Variants in KCNK3 observed in about 807,000 individuals in gnomAD.
KCNK3 encodes the protein potassium two pore domain channel subfamily K member 3.
In KCNK3, 9 loss-of-function variants were observed where a neutral mutation model predicts 27.3. The ratio of observed to expected loss-of-function variants is 0.33; its 90% confidence interval spans 0.20 to 0.57. The LOEUF is 0.57. KCNK3 is among the 20% of genes least tolerant of loss of function. The pLI, the probability that KCNK3 is intolerant of heterozygous loss-of-function variation, is 0.87. For missense variants in KCNK3, 391 were observed against 577.7 expected (o/e 0.68, Z 3.31); for synonymous variants, 278 against 273.8 (o/e 1.02, Z -0.15).
Position 26,728,533 on chromosome 2 carries a change from T to C in KCNK3, c.1150T>C (p.Phe384Leu), listed in dbSNP as rs1166060929. 6.8e-7 allele frequency: 1 copy of C among 1,470,034 alleles called. No homozygotes were observed. The highest frequency in any genetic ancestry group is 9.0e-7 in the Non-Finnish European group (1 of 1,109,862). The allele number at this position is 1,470,034 out of a possible 1,614,324, so 91.1% of individuals were successfully genotyped here. A position where few individuals can be genotyped will look rare whatever the true frequency, so the allele number is the denominator to read the frequency against. Residue 384 changes from phenylalanine to leucine, a missense_variant, in exon 2 of 2, where the codon TTC becomes CTC. Transcript: ENST00000302909. ...VSTGLHSLST[F>L]RGLMKRRSSV ...CACGGGTCTGCACAGCCTGTCCACC[T>C]TCCGCGGCCTCATGAAGCGCAGGAG...
intron 1 of KCNK3, among the ~76,000 whole-genome samples, chr2:26,694,947 T>C (rs1670216848): frequency 6.6e-6 from 1 of 152,064 alleles, no homozygotes; most frequent in Non-Finnish European, 1.5e-5. Flanking sequence ...CAAGGCATGC[T>C]CCCCTGGACA....
At chr2:26,702,606 G>A (rs1670321698) in intron 1 of KCNK3, among the ~76,000 whole-genome samples, 1 of 152,204 alleles carries the variant, frequency 6.6e-6, no homozygotes, top group Non-Finnish European at 1.5e-5. Flanking sequence ...AAGATGAATT[G>A]CACTGCCTCA....
At chr2:26,704,693 G>C (rs1265963524) in intron 1 of KCNK3, among the ~76,000 whole-genome samples, 1 of 152,244 alleles carries the variant, frequency 6.6e-6, no homozygotes, top group Non-Finnish European at 1.5e-5. Context: ...TGCCCGTGCA[G>C]AGGAGATTCC....
At position 26,693,188 on chromosome 2, in the gene KCNK3, C is replaced by A. The variant is rs974700567; in HGVS notation, c.283+30C>A. 7.3e-6 allele frequency: 11 copies of A among 1,501,948 alleles called. No homozygotes were observed. The highest frequency in any genetic ancestry group is 9.8e-6 in the Non-Finnish European group (11 of 1,123,188). The allele number at this position is 1,501,948 out of a possible 1,614,324, so 93.0% of individuals were successfully genotyped here. A position where few individuals can be genotyped will look rare whatever the true frequency, so the allele number is the denominator to read the frequency against. On this transcript the variant is annotated intron_variant, in intron 1 of 1. Coordinates refer to ENST00000302909, the MANE Select transcript of KCNK3 (RefSeq NM_002246.3). This position sits in a 1 kb window ranked among gnomAD's most constrained non-coding sequence, Gnocchi z 5.5. ...CGGCTCGCCGGGCGGGGGGCGGGAACCCAGGGCTGGGCGCGGGGCTCCGGG... is the reference window on the plus strand; with the variant it reads ...CGGCTCGCCGGGCGGGGGGCGGGAAACCAGGGCTGGGCGCGGGGCTCCGGG...
At position 26,728,514 on chromosome 2, in the gene KCNK3, T is replaced by C. The variant is rs763581939; in HGVS notation, c.1131T>C (p.Gly377=). ...PRSAISSVST[G]LHSLSTFRGL... ...CCGCCATCAGCTCGGTGTCCACGGG[T>C]CTGCACAGCCTGTCCACCTTCCGCG... The change falls in exon 2 of 2, where the codon GGT becomes GGC. Residue 377 remains glycine, a synonymous_variant. Coordinates refer to ENST00000302909, the MANE Select transcript of KCNK3 (RefSeq NM_002246.3). 4.0e-6 allele frequency: 6 copies of C among 1,508,986 alleles called. No homozygotes were observed. In the African/African-American group the frequency reaches 4.2e-5, roughly 11 times the overall value. 93.5% of individuals were successfully genotyped at this position (1,508,986 alleles called of 1,614,324 possible).
Position 26,718,828 on chromosome 2 carries a change from G to A in KCNK3, c.284-8839G>A, listed in dbSNP as rs112540447. On this transcript the variant is annotated intron_variant, in intron 1 of 1. Coordinates refer to ENST00000302909, the MANE Select transcript of KCNK3 (RefSeq NM_002246.3). Reference sequence around the variant, plus strand: ...TCACTGTGTTGCCCAGGTTCGTCTCGGATTCCTGGGCTCAAGCGATCCTCC... The same window carrying A: ...TCACTGTGTTGCCCAGGTTCGTCTCAGATTCCTGGGCTCAAGCGATCCTCC... Among the ~76,000 whole-genome samples the A allele has an allele frequency of 7.8e-3, 1,188 of 152,104 alleles. 16 individuals carry two copies. The highest frequency in any genetic ancestry group is 0.027 in the African/African-American group (1,124 of 41,490).
chr2:26,701,071 A>G lies in KCNK3; in HGVS notation c.283+7913A>G, dbSNP rs534938033. Reference sequence around the variant, plus strand: ...ATTCTGCATTTCCAAAAAGCCCCCAAGGGACACTGATGCTGTGGATCAGAT... The same window carrying G: ...ATTCTGCATTTCCAAAAAGCCCCCAGGGGACACTGATGCTGTGGATCAGAT... On this transcript the variant is annotated intron_variant, in intron 1 of 1. Transcript: ENST00000302909. Among the ~76,000 whole-genome samples, 111 of 152,340 alleles carry G rather than the reference A, an allele frequency of 7.3e-4. No homozygotes were observed. In the South Asian group the frequency reaches 0.023, roughly 31 times the overall value.
At chr2:26,702,878 G>A (rs1168143071) in intron 1 of KCNK3, among the ~76,000 whole-genome samples, 2 of 152,064 alleles carry the variant, frequency 1.3e-5, no homozygotes, top group Admixed American at 6.5e-5. Context: ...CATTTTGGGA[G>A]TCAAAGGCGG....
intron 1 of KCNK3, among the ~76,000 whole-genome samples, chr2:26,714,913 A>ATAAATAAG (rs1227988312): frequency 2.6e-5 from 4 of 151,958 alleles, no homozygotes; most frequent in Non-Finnish European, 5.9e-5. Context: ...AAATAAATAA[A>ATAAATAAG]TAAGGAGGGA....
At chr2:26,725,258 G>A (rs544487569) in intron 1 of KCNK3, among the ~76,000 whole-genome samples, 3 of 152,240 alleles carry the variant, frequency 2.0e-5, no homozygotes, top group South Asian at 2.1e-4. Flanking sequence ...CTTCCATCTC[G>A]CAAGCTACAG....
chr2:26,730,149 G>T lies in KCNK3; in HGVS notation c.*1581G>T, dbSNP rs1663510020. The T allele has an allele frequency of 6.6e-6, 1 of 152,456 alleles. No homozygotes were observed. The highest frequency in any genetic ancestry group is 6.5e-5 in the Admixed American group (1 of 15,282). 9.4% of individuals were successfully genotyped at this position (152,456 alleles called of 1,614,324 possible). On this transcript the variant is annotated 3_prime_UTR_variant, in exon 2 of 2. Transcript: ENST00000302909. ...CAGTTCTTGGGACCGAGGTAAGCAG[G>T]GCTGGGTCTCATGGCAGAAAGGCCA...
intron 1 of KCNK3, among the ~76,000 whole-genome samples, chr2:26,694,016 T>A (rs1670204589): frequency 6.6e-6 from 1 of 152,002 alleles, no homozygotes; most frequent in Non-Finnish European, 1.5e-5. Context: ...GAACAAACGT[T>A]GCCCAGGAAA....
chr2:26,695,638 A>G (rs1384491536), intron 1 of KCNK3, among the ~76,000 whole-genome samples: 1 of 152,208 alleles, frequency 6.6e-6, no homozygotes, highest in African/African-American at 2.4e-5. Context: ...TCCAAGTGCC[A>G]GCATAGTACC....
At chr2:26,699,250 A>C (rs75286480) in intron 1 of KCNK3, among the ~76,000 whole-genome samples, 4,774 of 142,632 alleles carry the variant, frequency 0.033, 283 homozygotes, top group African/African-American at 0.12. Context: ...AGAAAGAAAG[A>C]AAGCCAGCCA....
rs1663336812 is a variant in KCNK3, at chr2:26,721,978, C to A, written c.284-5689C>A. Among the ~76,000 whole-genome samples the A allele has an allele frequency of 6.6e-6, 1 of 152,162 alleles. No individual in the cohort carries two copies. Among genetic ancestry groups the A allele is most frequent in the African/African-American group, 2.4e-5 (1 of 41,430 alleles). On this transcript the variant is annotated intron_variant, in intron 1 of 1. Transcript: ENST00000302909. This position sits in a 1 kb window ranked among gnomAD's most constrained non-coding sequence, Gnocchi z 4.3. Reference sequence around the variant, plus strand: ...GATCAAAGAATCATATCGTCAGAGACCTGGGGGAAGGACCTCAGAGGTTCT... The same window carrying A: ...GATCAAAGAATCATATCGTCAGAGAACTGGGGGAAGGACCTCAGAGGTTCT...
At chr2:26,709,791 C>A (rs1400159386) in intron 1 of KCNK3, among the ~76,000 whole-genome samples, 2 of 152,206 alleles carry the variant, frequency 1.3e-5, no homozygotes, top group African/African-American at 4.8e-5. Context: ...CAAATGAGGC[C>A]TGAGGCCCAG....
chr2:26,697,863 C>T (rs1670254840), intron 1 of KCNK3, among the ~76,000 whole-genome samples: 1 of 152,150 alleles, frequency 6.6e-6, no homozygotes. Context: ...ACTGTGAACT[C>T]AAGCAGGTGA....
At chr2:26,701,521 C>T (rs555535293) in intron 1 of KCNK3, among the ~76,000 whole-genome samples, 5 of 152,352 alleles carry the variant, frequency 3.3e-5, no homozygotes, top group Admixed American at 1.3e-4. Flanking sequence ...AATGGAAAAC[C>T]GGTACCCCAG....
intron 1 of KCNK3, among the ~76,000 whole-genome samples, chr2:26,713,858 A>G (rs2148263365): frequency 6.6e-6 from 1 of 151,064 alleles, no homozygotes; most frequent in Admixed American, 6.6e-5. Context: ...GGTGGATCAC[A>G]TGAGGTCAGG....
Sources: gnomAD v4.1 joint callset for allele counts (sites outside exome capture counted in the v4.1 genomes callset) on GRCh38, gnomAD v4.1.1 for gene constraint, Gnocchi (gnomAD v3.1) non-coding constraint, MANE v1.5 for transcripts, NCBI Gene and HGNC (gene_info 2026-07-23, HGNC 2026-07-21) for gene names.